SOX5: variants seen among roughly 807,000 people sequenced by gnomAD.
SOX5 encodes transcription factor SOX-5.
A neutral mutation model predicts 92.0 loss-of-function variants in SOX5; 9 were observed. The ratio of observed to expected loss-of-function variants is 0.10; its 90% CI spans 0.06 to 0.17. The LOEUF is 0.17. SOX5 is among the 10% of genes least tolerant of loss of function. The pLI, the probability that SOX5 is intolerant of heterozygous loss-of-function variation, is 1.00. For synonymous variants in SOX5, 344 were observed against 336.3 expected (o/e 1.02, Z -0.25); for missense variants, 642 against 944.5 (o/e 0.68, Z 4.20).
intron 1 of SOX5, among the ~76,000 whole-genome samples, chr12:24,386,815 C>A (rs1036754321): frequency 2.6e-5 from 4 of 152,080 alleles, no homozygotes; most frequent in African/African-American, 9.7e-5. Flanking sequence ...AATATTGAGG[C>A]AGGAGAATTA....
At chr12:24,272,336 G>A (rs11047339) in intron 3 of SOX5, among the ~76,000 whole-genome samples, 62,154 of 151,936 alleles carry the variant, frequency 0.41, 15,224 homozygotes, top group East Asian at 0.73. Flanking sequence ...ACAGTTAGTT[G>A]TTTCTTTTTC....
intron 9 of SOX5, among the ~76,000 whole-genome samples, chr12:23,602,027 A>G (rs1281788270): frequency 1.3e-5 from 2 of 152,216 alleles, no homozygotes; most frequent in East Asian, 3.8e-4. Context: ...GGAAAGAAGT[A>G]CAACACCCAC....
At chr12:24,480,549 A>G (rs1285105580) in intron 1 of SOX5, among the ~76,000 whole-genome samples, 1 of 152,190 alleles carries the variant, frequency 6.6e-6, no homozygotes, top group Non-Finnish European at 1.5e-5. Context: ...AGGAGTTCAA[A>G]CAACTCTATA....
chr12:23,824,888 G>C (rs1191757999), intron 3 of SOX5, among the ~76,000 whole-genome samples: 4 of 152,192 alleles, frequency 2.6e-5, no homozygotes, highest in African/African-American at 9.6e-5. Flanking sequence ...TTTAAACTGT[G>C]AGGTGGTTTA....
At chr12:24,326,332 G>A (rs1950675590) in intron 2 of SOX5, among the ~76,000 whole-genome samples, 1 of 151,928 alleles carries the variant, frequency 6.6e-6, no homozygotes, top group Non-Finnish European at 1.5e-5. Context: ...ATTTGGAGGA[G>A]GAACGAATAT....
At chr12:23,624,157 T>A (rs1226771187) in intron 8 of SOX5, among the ~76,000 whole-genome samples, 1 of 152,022 alleles carries the variant, frequency 6.6e-6, no homozygotes, top group South Asian at 2.1e-4. Context: ...AGAGTGAAGG[T>A]AGAATGCTGA....
In SOX5 at chr12:24,529,155, T is replaced by C. The variant is rs544433266; in HGVS notation, c.-251+33174A>G. Among the ~76,000 whole-genome samples, 180 of 152,304 alleles carry C rather than the reference T, an allele frequency of 1.2e-3. 1 individual carries two copies. The Middle Eastern group carries it at 0.014, about 12-fold the overall frequency. ...GTCCTTATCACTTCACTTAGAATTA[T>C]AATAATCAGCACAAGCCCAGTTACT... On this transcript the variant is annotated intron_variant, in intron 1 of 4. Transcript: ENST00000446891.
intron 6 of SOX5, among the ~76,000 whole-genome samples, chr12:23,687,426 C>T (rs1245259650): frequency 1.3e-5 from 2 of 151,974 alleles, no homozygotes; most frequent in Non-Finnish European, 1.5e-5. Flanking sequence ...GAAACAACAG[C>T]ATTGCGTTTT....
At chr12:23,763,215 A>T (rs994171597) in intron 3 of SOX5, among the ~76,000 whole-genome samples, 2 of 152,214 alleles carry the variant, frequency 1.3e-5, no homozygotes, top group African/African-American at 2.4e-5. Flanking sequence ...TAATAACTGC[A>T]CTTACTTCAT....
chr12:24,497,464 T>A (rs1236374256), intron 1 of SOX5, among the ~76,000 whole-genome samples: 1 of 152,216 alleles, frequency 6.6e-6, no homozygotes, highest in Non-Finnish European at 1.5e-5. Context: ...TTCATCCTAA[T>A]GTTTTTTTAG....
intron 1 of SOX5, among the ~76,000 whole-genome samples, chr12:24,482,670 T>C (rs1946120414): frequency 2.0e-5 from 3 of 152,228 alleles, no homozygotes; most frequent in Admixed American, 6.5e-5. Context: ...CTATAAAATG[T>C]ATATTTCAGG....
At chr12:23,959,498 G>T (rs1254600980) in intron 4 of SOX5, among the ~76,000 whole-genome samples, 1 of 151,944 alleles carries the variant, frequency 6.6e-6, no homozygotes, top group African/African-American at 2.4e-5. Context: ...TCTTAAAGAA[G>T]AGAGAGTCTT....
intron 2 of SOX5, among the ~76,000 whole-genome samples, chr12:24,354,182 A>C (rs983138508): frequency 1.3e-5 from 2 of 152,270 alleles, no homozygotes; most frequent in Non-Finnish European, 2.9e-5. Flanking sequence ...TGTCTGGAAT[A>C]TCAGAAAATG....
chr12:24,561,792 T>G (rs939060696), intron 1 of SOX5, among the ~76,000 whole-genome samples: 22 of 64,658 alleles, frequency 3.4e-4, no homozygotes, highest in Admixed American at 9.9e-4. Flanking sequence ...AGTCGGGAGG[T>G]GGGGGTGACT....
intron 1 of SOX5, among the ~76,000 whole-genome samples, chr12:24,542,479 T>A (rs1472080322): frequency 6.6e-6 from 1 of 152,178 alleles, no homozygotes; most frequent in Non-Finnish European, 1.5e-5. Flanking sequence ...TTAGCCCACC[T>A]ACATTCCCCA....
chr12:24,525,869 G>A (rs1407760372), intron 1 of SOX5, among the ~76,000 whole-genome samples: 1 of 151,260 alleles, frequency 6.6e-6, no homozygotes, highest in Admixed American at 6.6e-5. Context: ...AAAAAAAAGA[G>A]TAGCCAGTAG....
rs141088459 is a variant in SOX5, at chr12:24,470,923, G to A, written c.-251+91406C>T. Among the ~76,000 whole-genome samples, 22 of 152,212 alleles carry A rather than the reference G, an allele frequency of 1.4e-4. No homozygotes were observed. In the East Asian group the frequency reaches 3.9e-3, roughly 27 times the overall value. On this transcript the variant is annotated intron_variant, in intron 1 of 4. Coordinates refer to the SOX5 transcript ENST00000446891. ...AGCACAGAATACTGCCTGGAATACCGTAAATATTTAATAAATGGTAGCGAT... is the reference window on the plus strand; with the variant it reads ...AGCACAGAATACTGCCTGGAATACCATAAATATTTAATAAATGGTAGCGAT...
chr12:24,026,905 C>A (rs892322425), intron 4 of SOX5, among the ~76,000 whole-genome samples: 6 of 151,836 alleles, frequency 4.0e-5, no homozygotes, highest in African/African-American at 1.5e-4. Context: ...AACAGCTGAG[C>A]CTTTAAAGGT....
At chr12:24,445,872 TTC>T (rs371438541) in intron 1 of SOX5, among the ~76,000 whole-genome samples, 1 of 152,162 alleles carries the variant, frequency 6.6e-6, no homozygotes, top group Admixed American at 6.5e-5. Context: ...GTTAGCTTTA[TTC>T]TCTCTCTATG....
Sources: allele counts gnomAD v4.1 joint callset (sites outside exome capture counted in the v4.1 genomes callset), GRCh38; gene constraint gnomAD v4.1.1; transcripts MANE v1.5; gene names NCBI Gene and HGNC (gene_info 2026-07-23, HGNC 2026-07-21).